Variants in DYNC1I1 observed in about 807,000 individuals in gnomAD.
The protein encoded by DYNC1I1 is cytoplasmic dynein 1 intermediate chain 1.
DYNC1I1 carries 43 observed loss-of-function variants against 86.6 expected under a neutral mutation model. That is an observed-to-expected ratio of 0.50 (90% confidence interval 0.39 to 0.64). The LOEUF (loss-of-function observed/expected upper bound fraction) is 0.64, where lower values mean the gene tolerates loss of function less well. DYNC1I1 is among the 30% of genes least tolerant of loss of function. The pLI is 0.00. For missense variants in DYNC1I1, 604 were observed against 788.8 expected (o/e 0.77, Z 2.81); for synonymous variants, 262 against 283.7 (o/e 0.92, Z 0.77).
intron 14 of DYNC1I1, among the ~76,000 whole-genome samples, chr7:96,045,199 A>C (rs1374708993): frequency 1.3e-5 from 2 of 152,260 alleles, no homozygotes; most frequent in Non-Finnish European, 2.9e-5. Flanking sequence ...TAATTGAATA[A>C]GAGAATTAGT....
intron 1 of DYNC1I1, among the ~76,000 whole-genome samples, chr7:95,775,537 G>T (rs1191729440): frequency 6.6e-6 from 1 of 152,188 alleles, no homozygotes; most frequent in Non-Finnish European, 1.5e-5. Flanking sequence ...TTTCAGGTTT[G>T]CTCTCCAATT....
chr7:95,893,731 G>C (rs1790805091), intron 6 of DYNC1I1, among the ~76,000 whole-genome samples: 1 of 152,202 alleles, frequency 6.6e-6, no homozygotes, highest in Non-Finnish European at 1.5e-5. Flanking sequence ...AATGCAGCCA[G>C]ACTCAAAAGG....
At chr7:95,893,999 T>C (rs191770022) in intron 6 of DYNC1I1, among the ~76,000 whole-genome samples, 3 of 152,278 alleles carry the variant, frequency 2.0e-5, no homozygotes, top group Non-Finnish European at 1.5e-5. Context: ...TCCCAAACAA[T>C]GAGAATCTCT....
At chr7:95,890,484 T>C (rs528439919) in intron 6 of DYNC1I1, among the ~76,000 whole-genome samples, 11 of 152,064 alleles carry the variant, frequency 7.2e-5, no homozygotes, top group Non-Finnish European at 1.6e-4. Flanking sequence ...AACTATTGGG[T>C]ACTAGGCTTG....
intron 6 of DYNC1I1, among the ~76,000 whole-genome samples, chr7:95,971,972 G>A (rs1020775702): frequency 2.6e-5 from 4 of 152,086 alleles, no homozygotes; most frequent in Non-Finnish European, 4.4e-5. Context: ...GAAATGTCAG[G>A]AGCAGAGCAT....
At chr7:96,017,840 A>C (rs1794440058) in intron 10 of DYNC1I1, among the ~76,000 whole-genome samples, 1 of 152,158 alleles carries the variant, frequency 6.6e-6, no homozygotes, top group African/African-American at 2.4e-5. Context: ...CAAGATGAAA[A>C]CAAAGCATTT....
chr7:95,807,796 A>G (rs1368171290), intron 2 of DYNC1I1, among the ~76,000 whole-genome samples: 3 of 152,094 alleles, frequency 2.0e-5, no homozygotes, highest in Non-Finnish European at 4.4e-5. Context: ...TCTGCATCCT[A>G]TCTTGACATT....
chr7:96,025,054 A>G (rs146260422), intron 10 of DYNC1I1, among the ~76,000 whole-genome samples: 3 of 152,306 alleles, frequency 2.0e-5, no homozygotes, highest in Non-Finnish European at 2.9e-5. Flanking sequence ...ATATATTCTT[A>G]TAGAATAACA....
intron 6 of DYNC1I1, among the ~76,000 whole-genome samples, chr7:95,875,361 A>G (rs1790283226): frequency 6.6e-6 from 1 of 152,204 alleles, no homozygotes; most frequent in Non-Finnish European, 1.5e-5. Context: ...GCATTGCTAG[A>G]ATTTACTCAC....
intron 10 of DYNC1I1, among the ~76,000 whole-genome samples, chr7:95,998,733 A>C (rs1279921561): frequency 6.6e-6 from 1 of 152,184 alleles, no homozygotes; most frequent in African/African-American, 2.4e-5. Context: ...TTGCGTAGCT[A>C]TTCATTTCCT....
chr7:95,891,928 T>C (rs1562935440), intron 6 of DYNC1I1, among the ~76,000 whole-genome samples: 1 of 151,816 alleles, frequency 6.6e-6, no homozygotes, highest in East Asian at 2.0e-4. Context: ...CCCTACACAG[T>C]ACATGTTAGT....
intron 6 of DYNC1I1, among the ~76,000 whole-genome samples, chr7:95,929,035 TG>T (rs1469905947): frequency 6.6e-6 from 1 of 152,182 alleles, no homozygotes; most frequent in Non-Finnish European, 1.5e-5. Context: ...GTCCTGCAAC[TG>T]GGTACGAGTA....
At chr7:96,034,561 A>G (rs1393734254) in intron 12 of DYNC1I1, among the ~76,000 whole-genome samples, 1 of 152,154 alleles carries the variant, frequency 6.6e-6, no homozygotes, top group Non-Finnish European at 1.5e-5. Flanking sequence ...CCAAATGGGT[A>G]AAGGGACTTT....
At chr7:95,804,263 C>G in intron 1 of DYNC1I1, 1 of 677,554 alleles carries the variant, frequency 1.5e-6, no homozygotes, top group South Asian at 2.4e-5. Context: ...TTTATTGAGT[C>G]CATAGAAATT....
chr7:95,943,632 G>A (rs1383937925), intron 6 of DYNC1I1, among the ~76,000 whole-genome samples: 4 of 141,288 alleles, frequency 2.8e-5, no homozygotes, highest in Admixed American at 1.5e-4. Context: ...TATACTACAA[G>A]GCTACAGTAA....
At chr7:96,066,042 A>G (rs1175108933) in intron 14 of DYNC1I1, among the ~76,000 whole-genome samples, 2 of 152,202 alleles carry the variant, frequency 1.3e-5, no homozygotes, top group Non-Finnish European at 2.9e-5. Flanking sequence ...TTTTAACTAC[A>G]TACCCAAGAC....
At chr7:96,106,285 C>A (rs1000443000) in intron 16 of DYNC1I1, among the ~76,000 whole-genome samples, 7 of 152,082 alleles carry the variant, frequency 4.6e-5, no homozygotes, top group Non-Finnish European at 4.4e-5. Flanking sequence ...GTAATCCCAG[C>A]ACTTTGGGAG....
intron 6 of DYNC1I1, among the ~76,000 whole-genome samples, chr7:95,975,913 G>A (rs1030588674): frequency 6.6e-6 from 1 of 152,162 alleles, no homozygotes; most frequent in East Asian, 1.9e-4. Context: ...GGGTCAGGAA[G>A]ATACGTCATG....
chr7:96,025,614 C>T (rs1322904796), intron 10 of DYNC1I1, among the ~76,000 whole-genome samples: 1 of 152,044 alleles, frequency 6.6e-6, no homozygotes, highest in Non-Finnish European at 1.5e-5. Context: ...GCTTTTGTGA[C>T]ATTTAAAATT....
Sources: gnomAD v4.1 joint callset for allele counts (sites outside exome capture counted in the v4.1 genomes callset) on GRCh38, gnomAD v4.1.1 for gene constraint, MANE v1.5 for transcripts, NCBI Gene and HGNC (gene_info 2026-07-23, HGNC 2026-07-21) for gene names.